PLGRKT: variants seen among roughly 807,000 people sequenced by gnomAD.
PLGRKT encodes plasminogen receptor with a C-terminal lysine.
In PLGRKT, 22 loss-of-function variants were observed where a neutral mutation model predicts 18.5. That is an observed-to-expected ratio of 1.19 (90% CI 0.85 to 1.70). PLGRKT has a LOEUF of 1.70. PLGRKT is among the 40% of genes most tolerant of loss of function. The probability of loss-of-function intolerance (pLI) is 0.00; values close to 1 mark genes in which losing one functional copy is unlikely to be tolerated. For synonymous variants in PLGRKT, 72 were observed against 52.8 expected, an observed-to-expected ratio of 1.36 and a Z score of -1.58; for missense variants, 235 against 174.4, an observed-to-expected ratio of 1.35 and a Z score of -1.96.
At chr9:5,396,712 A>G (rs538273738) in intron 3 of PLGRKT, among the ~76,000 whole-genome samples, 13 of 151,992 alleles carry the variant, frequency 8.6e-5, no homozygotes, top group African/African-American at 2.9e-4. Context: ...ACATTTTAAG[A>G]AGGGCAAAAA....
chr9:5,387,757 T>G (rs1415266244), intron 3 of PLGRKT, among the ~76,000 whole-genome samples: 8 of 151,762 alleles, frequency 5.3e-5, no homozygotes, highest in Non-Finnish European at 8.8e-5. Context: ...ACTCTTAAGA[T>G]TTGTGCACAT....
intron 3 of PLGRKT, among the ~76,000 whole-genome samples, chr9:5,420,137 C>T (rs958725730): frequency 6.6e-6 from 1 of 152,164 alleles, no homozygotes; most frequent in African/African-American, 2.4e-5. Context: ...ACTGCATATT[C>T]TATGATTTCA....
chr9:5,409,588 T>C (rs907956238), intron 3 of PLGRKT, among the ~76,000 whole-genome samples: 1 of 152,186 alleles, frequency 6.6e-6, no homozygotes, highest in African/African-American at 2.4e-5. Context: ...ACCCTGCTCC[T>C]GGAAAAGCCA....
chr9:5,381,175 G>A (rs947779215), intron 3 of PLGRKT, among the ~76,000 whole-genome samples: 1 of 152,254 alleles, frequency 6.6e-6, no homozygotes, highest in African/African-American at 2.4e-5. Flanking sequence ...GGTAGTGGGA[G>A]TTTGGAGCCA....
At chr9:5,421,564 T>A (rs1490276477) in intron 3 of PLGRKT, among the ~76,000 whole-genome samples, 1 of 152,248 alleles carries the variant, frequency 6.6e-6, no homozygotes, top group Non-Finnish European at 1.5e-5. Context: ...CAGGGGCTCC[T>A]CAATAAACAT....
At chr9:5,362,373 T>C (rs1159335423) in intron 3 of PLGRKT, among the ~76,000 whole-genome samples, 3 of 152,226 alleles carry the variant, frequency 2.0e-5, no homozygotes, top group Non-Finnish European at 4.4e-5. Context: ...GAGACATCTA[T>C]AGAGATTTTT....
At chr9:5,429,190 T>C (rs901461012) in intron 3 of PLGRKT, among the ~76,000 whole-genome samples, 2 of 152,208 alleles carry the variant, frequency 1.3e-5, no homozygotes, top group African/African-American at 4.8e-5. Flanking sequence ...TACATGCTTG[T>C]ATTATAAAAC....
intron 3 of PLGRKT, among the ~76,000 whole-genome samples, chr9:5,408,073 A>G (rs921523245): frequency 1.3e-5 from 2 of 152,330 alleles, no homozygotes; most frequent in African/African-American, 4.8e-5. Context: ...ACTGGTCTAA[A>G]TTTGGAGGGG....
intron 3 of PLGRKT, among the ~76,000 whole-genome samples, chr9:5,382,351 A>G (rs1035473501): frequency 6.6e-6 from 1 of 152,206 alleles, no homozygotes; most frequent in African/African-American, 2.4e-5. Context: ...GAGCTAGTTA[A>G]CCAGTCCTGA....
intron 5 of PLGRKT, among the ~76,000 whole-genome samples, chr9:5,359,547 G>C (rs866260194): frequency 6.6e-6 from 1 of 152,148 alleles, no homozygotes; most frequent in Admixed American, 6.5e-5. Context: ...ACGTGAGAGA[G>C]CCTTTCTTCC....
chr9:5,409,962 G>A (rs187679030), intron 3 of PLGRKT, among the ~76,000 whole-genome samples: 26 of 152,266 alleles, frequency 1.7e-4, no homozygotes, highest in Non-Finnish European at 2.2e-4. Flanking sequence ...ACAAGCATAG[G>A]AGAAGTGGGA....
chr9:5,429,446 G>C (rs573121530), intron 3 of PLGRKT, among the ~76,000 whole-genome samples: 2 of 152,308 alleles, frequency 1.3e-5, no homozygotes, highest in South Asian at 4.1e-4. Flanking sequence ...TATTGTCTCT[G>C]TTCTGAAGGG....
chr9:5,394,531 G>T (rs1395334421), intron 3 of PLGRKT, among the ~76,000 whole-genome samples: 1 of 151,778 alleles, frequency 6.6e-6, no homozygotes. Context: ...TCCTGCCTCA[G>T]CCTCCCGAGT....
At chr9:5,361,931 G>C in intron 3 of PLGRKT, 43 bp from the exon 4 acceptor site, 2 of 1,571,564 alleles carry the variant, frequency 1.3e-6, no homozygotes, top group Non-Finnish European at 1.7e-6. Context: ...CTCATCTTTG[G>C]AATCTGAACA....
Position 5,357,995 on chromosome 9 carries a change from T to G in PLGRKT, c.*244A>C, listed in dbSNP as rs1255857276. The G allele has an allele frequency of 3.3e-6, 1 of 298,866 alleles. No individual in the cohort carries two copies. The highest frequency in any genetic ancestry group is 2.2e-5 in the African/African-American group (1 of 45,850). The allele number at this position is 298,866 out of a possible 1,614,324, so 18.5% of individuals were successfully genotyped here. ...CTTCCAGGAATTCAAAACAATTTAT[T>G]AATTTTACACTTAGATATTGGTAAT... On this transcript the variant is annotated 3_prime_UTR_variant, in exon 6 of 6. Coordinates refer to ENST00000223864, the MANE Select transcript of PLGRKT (RefSeq NM_018465.4).
rs183630994 is a variant in PLGRKT at position 5,388,124 on chromosome 9, A to T, written c.82-26236T>A. The stretch of plus-strand genomic sequence containing the variant: ...ATTATGAGACTGGATGAAATGCCCC[A>T]GGAAGCGAGTATAGATGGTGAAAAG... On this transcript the variant is annotated intron_variant, in intron 3 of 5. Coordinates refer to ENST00000223864, the MANE Select transcript of PLGRKT (RefSeq NM_018465.4). Among the ~76,000 whole-genome samples, 5 of 151,996 alleles carry T rather than the reference A, an allele frequency of 3.3e-5. No individual in the cohort carries two copies. The East Asian group carries it at 9.6e-4, about 29-fold the overall frequency.
intron 3 of PLGRKT, among the ~76,000 whole-genome samples, chr9:5,380,923 T>C (rs1817731024): frequency 6.6e-6 from 1 of 152,140 alleles, no homozygotes; most frequent in Non-Finnish European, 1.5e-5. Context: ...GTTCCCCCCA[T>C]GCTGTTCTCA....
chr9:5,388,909 G>A (rs1817894368), intron 3 of PLGRKT, among the ~76,000 whole-genome samples: 1 of 152,006 alleles, frequency 6.6e-6, no homozygotes, highest in South Asian at 2.1e-4. Flanking sequence ...ATAAGTATTA[G>A]GTATTTATGA....
chr9:5,366,745 G>A (rs891583376), intron 3 of PLGRKT, among the ~76,000 whole-genome samples: 2 of 152,062 alleles, frequency 1.3e-5, no homozygotes, highest in South Asian at 4.1e-4. Flanking sequence ...GGAAGTCCTA[G>A]CCAGAGCAAT....
Sources: allele counts gnomAD v4.1 joint callset (sites outside exome capture counted in the v4.1 genomes callset), GRCh38; gene constraint gnomAD v4.1.1; transcripts MANE v1.5; gene names NCBI Gene and HGNC (gene_info 2026-07-23, HGNC 2026-07-21).